LTA: variants seen among roughly 807,000 people sequenced by gnomAD.
The protein encoded by LTA is lymphotoxin alpha.
A neutral mutation model predicts 15.1 loss-of-function variants in LTA; 6 were observed. The observed-to-expected ratio is 0.40, with a 90% CI of 0.22 to 0.78. The LOEUF (loss-of-function observed/expected upper bound fraction) is 0.78, where lower values mean the gene tolerates loss of function less well. LTA is among the 30% of genes least tolerant of loss of function. The pLI, the probability that LTA is intolerant of heterozygous loss-of-function variation, is 0.38. For missense variants in LTA, 173 were observed against 249.5 expected, an observed-to-expected ratio of 0.69 and a Z score of 2.06; for synonymous variants, 87 against 107.3, an observed-to-expected ratio of 0.81 and a Z score of 1.17.
At chr6:31,571,030 A>G (rs528240310), upstream of LTA, among the ~76,000 whole-genome samples, 3 of 151,092 alleles carry the variant, frequency 2.0e-5, no homozygotes, top group East Asian at 3.9e-4. Context: ...CCTAAGTTAC[A>G]TATCAATAAA....
chr6:31,573,117 T>G, intron 3 of LTA, 84 bp downstream of exon 3: 1 of 1,138,032 alleles, frequency 8.8e-7, no homozygotes, highest in Non-Finnish European at 1.2e-6. Context: ...TCCACCCCTC[T>G]CCCCCAACTT....
chr6:31,564,215 A>G, the LTA span, among the ~76,000 whole-genome samples: 2 of 152,188 alleles, frequency 1.3e-5, no homozygotes, highest in Admixed American at 6.5e-5. Flanking sequence ...AGTAGACTTG[A>G]GAAACTTGGA....
At chr6:31,568,756 C>T (rs994336727), upstream of LTA, among the ~76,000 whole-genome samples, 3 of 152,138 alleles carry the variant, frequency 2.0e-5, no homozygotes, top group African/African-American at 7.2e-5. The surrounding 1 kb of genome is among the most constrained non-coding windows in gnomAD (Gnocchi z 4.1). Context: ...ATACAACCTC[C>T]GAAACTGAGA....
intron 1 of LTA, 45 bp from the exon 2 acceptor site, chr6:31,572,689 C>T: frequency 6.9e-7 from 1 of 1,453,062 alleles, no homozygotes; most frequent in Non-Finnish European, 9.5e-7. Context: ...CGCCGCGTGC[C>T]CCGCCCCGCT....
chr6:31,561,270 G>A, the LTA span, among the ~76,000 whole-genome samples: 1 of 152,260 alleles, frequency 6.6e-6, no homozygotes, highest in South Asian at 2.1e-4. Flanking sequence ...GGGAGAACAG[G>A]TGAGTGCTGC....
At chr6:31,566,367 G>T in the LTA span, among the ~76,000 whole-genome samples, 858 of 152,144 alleles carry the variant, frequency 5.6e-3, 9 homozygotes, top group African/African-American at 0.019. Flanking sequence ...ACCAGGCCGG[G>T]TGCAGTGGCA....
chr6:31,572,642 G>GCCGTATCATTAAAAAAAGT, intron 1 of LTA, 92 bp from the exon 2 acceptor site: 1 of 828,690 alleles, frequency 1.2e-6, no homozygotes, highest in Admixed American at 2.0e-5. Context: ...CTCGGGGGTC[G>GCCGTATCATTAAAAAAAGT]GGGGGTGCTC....
chr6:31,565,633 CT>C, the LTA span, among the ~76,000 whole-genome samples: 2 of 152,180 alleles, frequency 1.3e-5, no homozygotes, highest in Non-Finnish European at 2.9e-5. Context: ...TAGACTTAGA[CT>C]TACCACACCC....
At chr6:31,562,359 T>C in the LTA span, among the ~76,000 whole-genome samples, 1 of 152,134 alleles carries the variant, frequency 6.6e-6, no homozygotes, top group Non-Finnish European at 1.5e-5. Context: ...CTGAGAATCA[T>C]CTCTTAGTTC....
chr6:31,562,655 A>G, the LTA span, among the ~76,000 whole-genome samples: 2 of 151,840 alleles, frequency 1.3e-5, no homozygotes, highest in African/African-American at 4.8e-5. Flanking sequence ...ACTTGAGGCC[A>G]GGGGTTCAAG....
At chr6:31,564,273 T>G in the LTA span, among the ~76,000 whole-genome samples, 2 of 152,092 alleles carry the variant, frequency 1.3e-5, 1 homozygote, top group Non-Finnish European at 2.9e-5. Context: ...TGTGGCTTCT[T>G]TTTTTATTTT....
chr6:31,563,448 G>C, the LTA span, among the ~76,000 whole-genome samples: 1 of 152,096 alleles, frequency 6.6e-6, no homozygotes, highest in African/African-American at 2.4e-5. Context: ...TAGTATAATG[G>C]GGAGTCAACA....
At chr6:31,572,506 C>CT in intron 1 of LTA, 60 bp downstream of exon 1, 1 of 585,930 alleles carries the variant, frequency 1.7e-6, no homozygotes, top group Non-Finnish European at 3.0e-6. Context: ...GTCTCATTGT[C>CT]TCTGTCACAC....
chr6:31,573,552 G>A lies in LTA; in HGVS notation c.477G>A (p.Leu159=). 1 of 1,614,070 alleles carries A rather than the reference G, an allele frequency of 6.2e-7. No homozygotes were observed. The highest frequency in any genetic ancestry group is 2.2e-5 in the East Asian group (1 of 44,874). The part of the protein sequence containing the change: ...LSSQKMVYPG[L]QEPWLHSMYH... The stretch of plus-strand genomic sequence containing the variant: ...CCCAGAAGATGGTGTATCCAGGGCT[G>A]CAGGAACCCTGGCTGCACTCGATGT... Residue 159 remains leucine, a synonymous_variant, in exon 4 of 4, where the codon CTG becomes CTA. Transcript: ENST00000418386.
chr6:31,567,329 G>A (rs879452050), upstream of LTA, among the ~76,000 whole-genome samples: 3 of 152,032 alleles, frequency 2.0e-5, no homozygotes, highest in Non-Finnish European at 4.4e-5. Flanking sequence ...GCCAAGATGG[G>A]CAGATCACTT....
chr6:31,567,677 CGCACGCAT>C (rs200393826), upstream of LTA, among the ~76,000 whole-genome samples: 4,936 of 35,248 alleles, frequency 0.14, 206 homozygotes, highest in African/African-American at 0.33. Context: ...CACACACACA[CGCACGCAT>C]GCACGCACCA....
At chr6:31,571,824 C>T (rs1770839891), upstream of LTA, among the ~76,000 whole-genome samples, 1 of 152,112 alleles carries the variant, frequency 6.6e-6, no homozygotes, top group Non-Finnish European at 1.5e-5. Context: ...CTGGAAAGTC[C>T]GTATACTGGG....
the LTA span, among the ~76,000 whole-genome samples, chr6:31,564,244 G>C: frequency 6.6e-6 from 1 of 152,154 alleles, no homozygotes; most frequent in South Asian, 2.1e-4. Context: ...AGGCCAGACT[G>C]TAAGACTCAT....
intron 1 of LTA, 33 bp from the exon 2 acceptor site, chr6:31,572,701 A>ACT: frequency 7.1e-7 from 1 of 1,411,198 alleles, no homozygotes. Context: ...CGCCCCGCTC[A>ACT]CTGTCTCTCT....
Sources: allele counts gnomAD v4.1 joint callset (sites outside exome capture counted in the v4.1 genomes callset), GRCh38; gene constraint gnomAD v4.1.1; non-coding constraint Gnocchi (gnomAD v3.1); transcripts MANE v1.5; gene names NCBI Gene and HGNC (gene_info 2026-07-23, HGNC 2026-07-21).